DPP10: variants seen among roughly 807,000 people sequenced by gnomAD.
The protein encoded by DPP10 is inactive dipeptidyl peptidase 10.
Under a neutral mutation model 120.9 loss-of-function variants are expected in DPP10, and 33 were observed. The ratio of observed to expected loss-of-function variants is 0.27; its 90% CI spans 0.21 to 0.37. The LOEUF (loss-of-function observed/expected upper bound fraction) is 0.37. Among genes scored for constraint, DPP10 ranks in the 10% least tolerant of loss-of-function variants. The pLI is 1.00. For missense variants in DPP10, 816 were observed against 942.8 expected, an observed-to-expected ratio of 0.87 and a Z score of 1.76; for synonymous variants, 337 against 326.1, an observed-to-expected ratio of 1.03 and a Z score of -0.36.
intron 1 of DPP10, among the ~76,000 whole-genome samples, chr2:115,187,504 G>A: frequency 6.6e-6 from 1 of 152,166 alleles, no homozygotes; most frequent in East Asian, 1.9e-4. Flanking sequence ...CATATACATG[G>A]TCGTGAAAAT....
intron 2 of DPP10, among the ~76,000 whole-genome samples, chr2:115,323,593 C>T (rs1006418992): frequency 6.6e-6 from 1 of 152,158 alleles, no homozygotes; most frequent in African/African-American, 2.4e-5. Flanking sequence ...GAATCAGTAT[C>T]TATGGCAGCC....
At chr2:115,673,802 GTCTGAACTAAAAATGTCTCTC>G in intron 5 of DPP10, among the ~76,000 whole-genome samples, 1 of 152,204 alleles carries the variant, frequency 6.6e-6, no homozygotes, top group Non-Finnish European at 1.5e-5. Context: ...CTTATCTATA[GTCTGAACTAAAAATGTCTCTC>G]TTCAGATGAC....
chr2:114,703,217 CA>C (rs796889141), intron 1 of DPP10, among the ~76,000 whole-genome samples: 88 of 151,504 alleles, frequency 5.8e-4, no homozygotes, highest in African/African-American at 2.0e-3. Context: ...CATTCTTTTT[CA>C]AAAAAAATAA....
At chr2:115,093,521 G>C (rs1442655432) in intron 1 of DPP10, among the ~76,000 whole-genome samples, 3 of 151,770 alleles carry the variant, frequency 2.0e-5, no homozygotes, top group Non-Finnish European at 2.9e-5. Context: ...ATTTTTCTTT[G>C]GAAGGAAACC....
intron 1 of DPP10, among the ~76,000 whole-genome samples, chr2:114,460,436 C>G (rs1351507237): frequency 6.6e-6 from 1 of 152,098 alleles, no homozygotes; most frequent in East Asian, 1.9e-4. Context: ...AGAGAAAAAG[C>G]TCCTTTGTCT....
At chr2:114,491,351 G>A (rs919162229) in intron 1 of DPP10, among the ~76,000 whole-genome samples, 1 of 152,130 alleles carries the variant, frequency 6.6e-6, no homozygotes, top group African/African-American at 2.4e-5. Context: ...CAAAGTGTGG[G>A]TATCTTGTAA....
chr2:115,207,416 CAAA>C (rs57462947), intron 1 of DPP10, among the ~76,000 whole-genome samples: 5 of 52,310 alleles, frequency 9.6e-5, no homozygotes, highest in African/African-American at 2.0e-4. Context: ...CTTACTGCAC[CAAA>C]AAAAAAAAAA....
chr2:114,455,356 C>T (rs1678510941), intron 1 of DPP10, among the ~76,000 whole-genome samples: 2 of 151,986 alleles, frequency 1.3e-5, no homozygotes, highest in African/African-American at 4.8e-5. Flanking sequence ...ACCCACCTGG[C>T]CAACATAGTG....
intron 1 of DPP10, among the ~76,000 whole-genome samples, chr2:114,891,394 C>T (rs1574427903): frequency 6.6e-6 from 1 of 152,178 alleles, no homozygotes; most frequent in African/African-American, 2.4e-5. Context: ...CTGTCTTTAG[C>T]TCTCAGGGCT....
chr2:115,700,330 A>C (rs2091829527), intron 7 of DPP10, among the ~76,000 whole-genome samples: 1 of 152,182 alleles, frequency 6.6e-6, no homozygotes, highest in Non-Finnish European at 1.5e-5. Flanking sequence ...AAGAAAAAAA[A>C]CACATAATCA....
chr2:115,526,771 A>G (rs2078158098), intron 5 of DPP10, among the ~76,000 whole-genome samples: 1 of 152,146 alleles, frequency 6.6e-6, no homozygotes, highest in African/African-American at 2.4e-5. Context: ...TTTTGAACAC[A>G]TGGAATTTCA....
At position 114,962,405 on chromosome 2, in the gene DPP10, G is replaced by C. The variant is rs141787041; in HGVS notation, c.61-346834G>C. Among the ~76,000 whole-genome samples the C allele has an allele frequency of 2.9e-3, 437 of 152,186 alleles. 3 individuals carry two copies. Among genetic ancestry groups the C allele is most frequent in the African/African-American group, 0.01 (418 of 41,508 alleles). On this transcript the variant is annotated intron_variant, in intron 1 of 25. Coordinates refer to ENST00000410059, the MANE Select transcript of DPP10 (RefSeq NM_020868.6). ...GTGAAAATTCATTCAATCTCTCATG[G>C]GCATCGGGCAAGGGAAAGGGACATG... is the stretch of plus-strand genomic sequence containing the variant.
chr2:115,311,344 T>A (rs115314475), intron 2 of DPP10, among the ~76,000 whole-genome samples: 48 of 152,332 alleles, frequency 3.2e-4, no homozygotes, highest in Admixed American at 1.4e-3. Flanking sequence ...CTGCTGCTGC[T>A]ATTCCTTTGA....
chr2:115,142,837 G>A (rs538205784), intron 1 of DPP10, among the ~76,000 whole-genome samples: 2 of 152,138 alleles, frequency 1.3e-5, no homozygotes, highest in Non-Finnish European at 2.9e-5. Context: ...CTCTTTCGAA[G>A]CTGCCTCACT....
chr2:115,048,507 A>G (rs1356121121), intron 1 of DPP10, among the ~76,000 whole-genome samples: 2 of 152,040 alleles, frequency 1.3e-5, no homozygotes, highest in Admixed American at 1.3e-4. Context: ...ACATAAGCTA[A>G]TTTCCTGCTT....
chr2:114,826,617 G>A (rs531036939), intron 1 of DPP10, among the ~76,000 whole-genome samples: 21 of 152,132 alleles, frequency 1.4e-4, no homozygotes, highest in Non-Finnish European at 2.2e-4. Context: ...TGCAACCTCC[G>A]CCTCCCAGGT....
At chr2:115,686,373 G>T (rs1438879711) in intron 5 of DPP10, among the ~76,000 whole-genome samples, 1 of 152,002 alleles carries the variant, frequency 6.6e-6, no homozygotes. Context: ...AAAATAAGGT[G>T]TCTTTAAACA....
At chr2:115,225,436 T>C (rs76535429) in intron 1 of DPP10, among the ~76,000 whole-genome samples, 4 of 151,342 alleles carry the variant, frequency 2.6e-5, no homozygotes, top group Non-Finnish European at 5.9e-5. Flanking sequence ...GAGTGTGTTC[T>C]TTTTTTTTCT....
intron 5 of DPP10, among the ~76,000 whole-genome samples, chr2:115,672,224 A>G (rs1441511404): frequency 6.6e-6 from 1 of 152,118 alleles, no homozygotes; most frequent in African/African-American, 2.4e-5. Context: ...TTGAAGTGAT[A>G]AAGTCTTTGT....
Sources: allele counts gnomAD v4.1 joint callset (sites outside exome capture counted in the v4.1 genomes callset), GRCh38; gene constraint gnomAD v4.1.1; transcripts MANE v1.5; gene names NCBI Gene and HGNC (gene_info 2026-07-23, HGNC 2026-07-21).